FSTL4: variants seen among roughly 807,000 people sequenced by gnomAD.
The protein encoded by FSTL4 is follistatin like 4.
In FSTL4, 28 loss-of-function variants were observed where a neutral mutation model predicts 78.2. That is an observed-to-expected ratio of 0.36 (90% CI 0.27 to 0.49). The LOEUF (loss-of-function observed/expected upper bound fraction) is 0.49, where lower values mean the gene tolerates loss of function less well. Ranked by LOEUF, FSTL4 falls within the 20% of genes least tolerant of loss-of-function variation. The pLI is 0.98. For synonymous variants in FSTL4, 422 were observed against 440.5 expected, an observed-to-expected ratio of 0.96 and a Z score of 0.53; for missense variants, 922 against 1,084.9, an observed-to-expected ratio of 0.85 and a Z score of 2.11.
chr5:133,598,869 C>T (rs1028969310), intron 2 of FSTL4, among the ~76,000 whole-genome samples: 53 of 152,198 alleles, frequency 3.5e-4, no homozygotes, highest in African/African-American at 1.1e-3. Flanking sequence ...GAGATGCACA[C>T]GTACTGTAGG....
intron 6 of FSTL4, among the ~76,000 whole-genome samples, chr5:133,302,031 C>A (rs1753552725): frequency 6.6e-6 from 1 of 151,994 alleles, no homozygotes; most frequent in African/African-American, 2.4e-5. Flanking sequence ...CTGCTTGTAC[C>A]TGTGCTGAGT....
intron 2 of FSTL4, among the ~76,000 whole-genome samples, chr5:133,594,991 C>T (rs917565597): frequency 7.2e-5 from 11 of 152,186 alleles, no homozygotes; most frequent in African/African-American, 1.2e-4. Context: ...CCACCTACCC[C>T]GGAGCCACAG....
At chr5:133,207,109 A>C (rs988922897) in intron 14 of FSTL4, among the ~76,000 whole-genome samples, 1 of 152,198 alleles carries the variant, frequency 6.6e-6, no homozygotes, top group Non-Finnish European at 1.5e-5. Context: ...ATGGAGACAT[A>C]CTAAAAAATT....
At chr5:133,560,482 G>A (rs1366055515) in intron 3 of FSTL4, among the ~76,000 whole-genome samples, 1 of 151,964 alleles carries the variant, frequency 6.6e-6, no homozygotes, top group East Asian at 1.9e-4. Flanking sequence ...TGATTCTCCT[G>A]CCTCCTGAGT....
At chr5:133,655,730 AAG>A in the FSTL4 span, among the ~76,000 whole-genome samples, 1 of 152,184 alleles carries the variant, frequency 6.6e-6, no homozygotes, top group African/African-American at 2.4e-5. Flanking sequence ...AAGGTAAGGG[AAG>A]AGAGAGGAAC....
chr5:133,352,228 T>C (rs1000754964), intron 4 of FSTL4, among the ~76,000 whole-genome samples: 3 of 147,446 alleles, frequency 2.0e-5, no homozygotes, highest in Non-Finnish European at 4.5e-5. Flanking sequence ...CGTCTTTTGT[T>C]CTCACACACA....
chr5:133,720,382 A>T, the FSTL4 span: 2 of 152,322 alleles, frequency 1.3e-5, no homozygotes, highest in African/African-American at 4.8e-5. Flanking sequence ...TTTTCATTGA[A>T]AATGATAGGG....
At chr5:133,688,625 A>G in the FSTL4 span, among the ~76,000 whole-genome samples, 2 of 152,256 alleles carry the variant, frequency 1.3e-5, no homozygotes, top group Admixed American at 6.5e-5. Context: ...GAGATTCTGT[A>G]GACAGAGCTC....
chr5:133,775,072 AC>A, the FSTL4 span, among the ~76,000 whole-genome samples: 1 of 152,204 alleles, frequency 6.6e-6, no homozygotes, highest in Non-Finnish European at 1.5e-5. Flanking sequence ...GGAAACATAT[AC>A]CTTGCAGTTA....
chr5:133,752,478 G>A, the FSTL4 span, among the ~76,000 whole-genome samples: 1 of 152,106 alleles, frequency 6.6e-6, no homozygotes, highest in Non-Finnish European at 1.5e-5. Context: ...CTAGCCAGTT[G>A]TGGTGGCGGG....
rs376595803 is a variant in FSTL4 at position 133,325,134 on chromosome 5, G to A, written c.410-8482C>T. ...CTTGGCATTGCTGGTCAGGAGAGCC[G>A]TGGATCACCCTGTGAAGAGGCCAGC... On this transcript the variant is annotated intron_variant, in intron 4 of 15. Coordinates refer to ENST00000265342, the MANE Select transcript of FSTL4 (RefSeq NM_015082.2). 1.4e-4 allele frequency among the ~76,000 whole-genome samples: 21 copies of A among 152,360 alleles called. No individual in the cohort carries two copies. In the South Asian group the frequency reaches 2.1e-3, roughly 15 times the overall value.
intron 3 of FSTL4, among the ~76,000 whole-genome samples, chr5:133,494,162 G>A (rs998388333): frequency 7.9e-5 from 12 of 152,166 alleles, no homozygotes; most frequent in Admixed American, 2.0e-4. Flanking sequence ...GAACAGAGAA[G>A]TTAAACACAC....
chr5:133,209,036 C>A (rs1561619167), intron 14 of FSTL4, among the ~76,000 whole-genome samples: 4 of 152,246 alleles, frequency 2.6e-5, no homozygotes, highest in African/African-American at 9.6e-5. Context: ...GTGGCCCCTC[C>A]TCTTGAATTT....
At chr5:133,429,996 A>G (rs1272487481) in intron 3 of FSTL4, among the ~76,000 whole-genome samples, 1 of 152,230 alleles carries the variant, frequency 6.6e-6, no homozygotes, top group Non-Finnish European at 1.5e-5. Context: ...AGTATTTGAG[A>G]CGTGAGCTGT....
intron 6 of FSTL4, among the ~76,000 whole-genome samples, chr5:133,288,400 C>T (rs796148447): frequency 4.6e-5 from 7 of 152,362 alleles, no homozygotes; most frequent in African/African-American, 1.2e-4. Flanking sequence ...CTGCCTGCCC[C>T]TCCCAGGCCT....
chr5:133,301,091 G>C (rs1753527902), intron 6 of FSTL4, among the ~76,000 whole-genome samples: 1 of 152,182 alleles, frequency 6.6e-6, no homozygotes, highest in Non-Finnish European at 1.5e-5. Context: ...CAGGGGCCCT[G>C]CCATCTGCCG....
the FSTL4 span, among the ~76,000 whole-genome samples, chr5:133,640,303 T>A: frequency 3.3e-5 from 5 of 152,228 alleles, no homozygotes; most frequent in Admixed American, 3.3e-4. Flanking sequence ...CCATCTTAGA[T>A]GCCTTGGAAG....
the FSTL4 span, among the ~76,000 whole-genome samples, chr5:133,768,271 A>C: frequency 0.64 from 96,583 of 152,026 alleles, 30,926 homozygotes; most frequent in Non-Finnish European, 0.67. Context: ...TTATACCCCT[A>C]TGTCCTGAAC....
At chr5:133,795,790 C>T in the FSTL4 span, among the ~76,000 whole-genome samples, 13 of 152,220 alleles carry the variant, frequency 8.5e-5, no homozygotes, top group African/African-American at 3.1e-4. Context: ...GGCAACATGG[C>T]CTCCTCTTCC....
Sources: gnomAD v4.1 joint callset for allele counts (sites outside exome capture counted in the v4.1 genomes callset) on GRCh38, gnomAD v4.1.1 for gene constraint, MANE v1.5 for transcripts, NCBI Gene and HGNC (gene_info 2026-07-23, HGNC 2026-07-21) for gene names.